IKZF3: variants seen among roughly 807,000 people sequenced by gnomAD.
IKZF3 encodes zinc finger protein Aiolos.
In IKZF3, 10 loss-of-function variants were observed where a neutral mutation model predicts 49.0. The observed-to-expected ratio is 0.20, with a 90% CI of 0.13 to 0.35. The LOEUF is 0.35. IKZF3 is among the 10% of genes least tolerant of loss of function. The pLI is 1.00. For missense variants in IKZF3, 498 were observed against 664.8 expected, an observed-to-expected ratio of 0.75 and a Z score of 2.76; for synonymous variants, 209 against 228.2, an observed-to-expected ratio of 0.92 and a Z score of 0.76.
At chr17:39,851,150 C>A (rs1277261827) in intron 1 of IKZF3, among the ~76,000 whole-genome samples, 1 of 151,144 alleles carries the variant, frequency 6.6e-6, no homozygotes, top group African/African-American at 2.4e-5. Flanking sequence ...GACTTGACCT[C>A]CCAGTATTGG....
intron 3 of IKZF3, among the ~76,000 whole-genome samples, chr17:39,808,687 C>A (rs1167318449): frequency 6.6e-6 from 1 of 152,034 alleles, no homozygotes; most frequent in Non-Finnish European, 1.5e-5. Context: ...TGAGTTCTCT[C>A]GTAAGACAAA....
intron 6 of IKZF3, among the ~76,000 whole-genome samples, chr17:39,782,978 A>G (rs959206618): frequency 1.3e-5 from 2 of 152,248 alleles, no homozygotes; most frequent in African/African-American, 4.8e-5. Context: ...TATTCCCTGT[A>G]TAAGTCTTAA....
intron 1 of IKZF3, among the ~76,000 whole-genome samples, chr17:39,850,091 TA>T (rs1325922262): frequency 1.0e-5 from 1 of 96,016 alleles, no homozygotes; most frequent in African/African-American, 2.8e-5. Flanking sequence ...ATATATACTA[TA>T]TAGCATATTA....
chr17:39,781,126 G>C (rs2060732772), intron 6 of IKZF3, among the ~76,000 whole-genome samples: 1 of 152,012 alleles, frequency 6.6e-6, no homozygotes, highest in South Asian at 2.1e-4. Flanking sequence ...GAGTGAAGAG[G>C]GTCAAATTCT....
chr17:39,812,482 C>G (rs1490545454), intron 3 of IKZF3, among the ~76,000 whole-genome samples: 1 of 152,074 alleles, frequency 6.6e-6, no homozygotes, highest in Non-Finnish European at 1.5e-5. Flanking sequence ...AAATACTCCA[C>G]CATGGCCAAT....
chr17:39,846,487 GTT>G (rs34071450), intron 1 of IKZF3, among the ~76,000 whole-genome samples: 50 of 108,026 alleles, frequency 4.6e-4, no homozygotes, highest in African/African-American at 1.6e-3. Context: ...AGATACCAAG[GTT>G]TTTTTTTTTT....
chr17:39,824,432 A>G (rs1413953508), intron 3 of IKZF3, among the ~76,000 whole-genome samples: 1 of 152,148 alleles, frequency 6.6e-6, no homozygotes, highest in African/African-American at 2.4e-5. Flanking sequence ...TGTTGGAATG[A>G]GTTAAGACTT....
At chr17:39,779,646 G>GC (rs2060680855) in intron 6 of IKZF3, among the ~76,000 whole-genome samples, 1 of 117,816 alleles carries the variant, frequency 8.5e-6, no homozygotes, top group African/African-American at 3.3e-5. Context: ...TATATTCTTT[G>GC]TTTTTTGTTT....
Position 39,765,288 on chromosome 17 carries a change from T to A in IKZF3, c.*502A>T, listed in dbSNP as rs2143550034. ...TAACAGATACTTATTTTATGGCTGTTCTTTTACTTACTCTTAGACTGTCAT... is the reference window on the plus strand; with the variant it reads ...TAACAGATACTTATTTTATGGCTGTACTTTTACTTACTCTTAGACTGTCAT... On this transcript the variant is annotated 3_prime_UTR_variant, in exon 8 of 8. Coordinates refer to ENST00000346872, the MANE Select transcript of IKZF3 (RefSeq NM_012481.5). 6.5e-6 allele frequency: 1 copy of A among 152,800 alleles called. No homozygotes were observed. The highest frequency in any genetic ancestry group is 3.4e-3 in the Middle Eastern group (1 of 294). The allele number at this position is 152,800 out of a possible 1,614,324, so 9.5% of individuals were successfully genotyped here. A position where few individuals can be genotyped will look rare whatever the true frequency, so the allele number is the denominator to read the frequency against.
chr17:39,804,160 C>A (rs1370199844), intron 3 of IKZF3, among the ~76,000 whole-genome samples: 1 of 151,916 alleles, frequency 6.6e-6, no homozygotes, highest in African/African-American at 2.4e-5. Context: ...ATGAATGGGC[C>A]GGGTGTGGTG....
At chr17:39,830,205 G>A (rs2062072720) in intron 2 of IKZF3, among the ~76,000 whole-genome samples, 1 of 152,210 alleles carries the variant, frequency 6.6e-6, no homozygotes, top group African/African-American at 2.4e-5. Flanking sequence ...TTCCTAGGAG[G>A]AAGATCTGTA....
chr17:39,787,759 G>A (rs537498516), intron 6 of IKZF3, among the ~76,000 whole-genome samples: 1 of 152,198 alleles, frequency 6.6e-6, no homozygotes, highest in South Asian at 2.1e-4. Context: ...CAAATGAGAA[G>A]ACCAATGATG....
chr17:39,859,951 G>C (rs2063170333), intron 1 of IKZF3, among the ~76,000 whole-genome samples: 1 of 152,100 alleles, frequency 6.6e-6, no homozygotes. Flanking sequence ...ATCTATCTAG[G>C]CCAGGTGCAG....
At chr17:39,863,564 T>C (rs760272738) in intron 1 of IKZF3, among the ~76,000 whole-genome samples, 1 of 152,220 alleles carries the variant, frequency 6.6e-6, no homozygotes, top group Non-Finnish European at 1.5e-5. Flanking sequence ...AGGATAGTGT[T>C]ACGACTTTCA....
chr17:39,804,602 T>C (rs923232046), intron 3 of IKZF3, among the ~76,000 whole-genome samples: 73 of 152,216 alleles, frequency 4.8e-4, no homozygotes, highest in African/African-American at 1.6e-3. Flanking sequence ...TCATGCAGTA[T>C]GTAGTTTCTC....
At chr17:39,811,972 C>A (rs1211248023) in intron 3 of IKZF3, among the ~76,000 whole-genome samples, 2 of 152,188 alleles carry the variant, frequency 1.3e-5, no homozygotes, top group African/African-American at 2.4e-5. Context: ...ACTTCTCAGA[C>A]AAGAGCAAGC....
chr17:39,831,152 C>G (rs890375773), intron 2 of IKZF3, among the ~76,000 whole-genome samples: 1 of 152,008 alleles, frequency 6.6e-6, no homozygotes, highest in African/African-American at 2.4e-5. Flanking sequence ...GAGGCCGAGG[C>G]GGGCGGATCA....
At chr17:39,779,681 TTAAAAA>T (rs2060685496) in intron 6 of IKZF3, among the ~76,000 whole-genome samples, 1 of 151,296 alleles carries the variant, frequency 6.6e-6, no homozygotes, top group Admixed American at 6.6e-5. Context: ...CCACGGCCTT[TTAAAAA>T]CGTAAAAATC....
chr17:39,796,257 T>C (rs548224956), intron 3 of IKZF3, among the ~76,000 whole-genome samples: 12 of 152,300 alleles, frequency 7.9e-5, no homozygotes, highest in African/African-American at 2.9e-4. Flanking sequence ...TAGAAAATAC[T>C]AATGAACATG....
Sources: allele counts gnomAD v4.1 joint callset (sites outside exome capture counted in the v4.1 genomes callset), GRCh38; gene constraint gnomAD v4.1.1; transcripts MANE v1.5; gene names NCBI Gene and HGNC (gene_info 2026-07-23, HGNC 2026-07-21).